Variants in CHRDL1 observed in about 807,000 individuals in gnomAD.
CHRDL1 encodes chordin like 1, also known as chordin-like protein 1.
Under a neutral mutation model 40.9 loss-of-function variants are expected in CHRDL1, and 19 were observed. That is an observed-to-expected ratio of 0.46 (90% CI 0.32 to 0.68). CHRDL1 has a LOEUF of 0.68. Among genes scored for constraint, CHRDL1 ranks in the 30% least tolerant of loss-of-function variants. The pLI, the probability that CHRDL1 is intolerant of heterozygous loss-of-function variation, is 0.03. For synonymous variants in CHRDL1, 136 were observed against 123.4 expected (o/e 1.10, Z -0.68); for missense variants, 329 against 352.1 (o/e 0.93, Z 0.53).
chrX:110,711,540 A>T (rs2070747042), intron 6 of CHRDL1, among the ~76,000 whole-genome samples: 1 of 111,969 alleles, frequency 8.9e-6, no homozygotes, highest in Non-Finnish European at 1.9e-5. Flanking sequence ...TATCATCATG[A>T]CCAGGAGATG....
chrX:110,765,163 T>C (rs2089637148), intron 2 of CHRDL1, among the ~76,000 whole-genome samples: 1 of 111,301 alleles, frequency 9.0e-6, no homozygotes. Context: ...ACCTACTCCC[T>C]GTTCTTGCAC....
Position 110,792,317 on chromosome X carries a change from G to A in CHRDL1, c.-34-102C>T. On this transcript the variant is annotated intron_variant, in intron 1 of 11. Transcript: ENST00000372042. The stretch of plus-strand genomic sequence containing the variant: ...TAACCTGCTAGAATAAAAAAAAAAT[G>A]TCCTAGAATTTACATAAGTGTAAGT... 7.3e-6 allele frequency: 3 copies of A among 410,189 alleles called. No homozygotes were observed. In the East Asian group the frequency reaches 1.3e-4, roughly 17 times the overall value. 33.8% of individuals were successfully genotyped at this position (410,189 alleles called of 1,213,427 possible).
chrX:110,781,285 C>CT lies in CHRDL1; in HGVS notation c.94+10802dup, dbSNP rs1380163562. ...CTTATTTCAACATTTCAGAAAGAAT[C>CT]TGAGTATACATGTGGAAGCAAATCC... is the stretch of plus-strand genomic sequence containing the variant. On this transcript the variant is annotated intron_variant, in intron 2 of 11. Coordinates refer to ENST00000372042, the MANE Select transcript of CHRDL1 (RefSeq NM_001143981.2). Among the ~76,000 whole-genome samples, 16 of 111,148 alleles carry CT rather than the reference C, an allele frequency of 1.4e-4. No homozygotes were observed. The Admixed American group carries it at 1.5e-3, about 11-fold the overall frequency.
At chrX:110,794,889 A>C (rs1054290992) in intron 1 of CHRDL1, among the ~76,000 whole-genome samples, 3 of 112,173 alleles carry the variant, frequency 2.7e-5, no homozygotes, top group Non-Finnish European at 5.6e-5. Flanking sequence ...AACAATAAGA[A>C]AGACACTGGA....
intron 6 of CHRDL1, among the ~76,000 whole-genome samples, chrX:110,715,881 G>A (rs749184631): frequency 1.6e-4 from 18 of 112,365 alleles, no homozygotes; most frequent in African/African-American, 5.8e-4. Flanking sequence ...AGACAAGAAA[G>A]GAGGTGAGGA....
intron 4 of CHRDL1, among the ~76,000 whole-genome samples, chrX:110,726,691 T>C (rs1229232948): frequency 2.7e-5 from 3 of 111,879 alleles, no homozygotes; most frequent in Non-Finnish European, 5.6e-5. Context: ...GTACATAACA[T>C]TCACAATAAA....
At chrX:110,700,321 G>A (rs1445012647) in intron 7 of CHRDL1, among the ~76,000 whole-genome samples, 1 of 111,486 alleles carries the variant, frequency 9.0e-6, no homozygotes, top group Non-Finnish European at 1.9e-5. Flanking sequence ...CCCTACAGAA[G>A]GTCCTCACTG....
At chrX:110,780,330 A>G (rs778079710) in intron 2 of CHRDL1, among the ~76,000 whole-genome samples, 3 of 111,076 alleles carry the variant, frequency 2.7e-5, no homozygotes, top group Non-Finnish European at 5.7e-5. Context: ...ATGTGTATTA[A>G]GGTTTTATTA....
At chrX:110,771,258 G>A (rs758742052) in intron 2 of CHRDL1, among the ~76,000 whole-genome samples, 5 of 111,234 alleles carry the variant, frequency 4.5e-5, no homozygotes, top group South Asian at 3.8e-4. Flanking sequence ...TGGCTCCACC[G>A]GTGAATTCTA....
At chrX:110,758,122 C>CAAAAAAA (rs199672978) in intron 4 of CHRDL1, among the ~76,000 whole-genome samples, 1 of 93,986 alleles carries the variant, frequency 1.1e-5, no homozygotes, top group Admixed American at 1.1e-4. Flanking sequence ...AAACAAAAAA[C>CAAAAAAA]AAAAAAACAA....
At position 110,763,831 on chromosome X, in the gene CHRDL1, G is replaced by T. The variant is rs182999056; in HGVS notation, c.95-1024C>A. Among the ~76,000 whole-genome samples the T allele has an allele frequency of 2.3e-3, 261 of 111,663 alleles. 1 individual carries two copies. Among genetic ancestry groups the T allele is most frequent in the Non-Finnish European group, 3.8e-3 (201 of 53,078 alleles). On this transcript the variant is annotated intron_variant, in intron 2 of 11. Transcript: ENST00000372042. ...AATCTCCACACTGTTTTCCATAGCG[G>T]ATGTACTAGTTTACATTCCCTGCAT... is the stretch of plus-strand genomic sequence containing the variant.
chrX:110,781,862 T>C (rs1486565417), intron 2 of CHRDL1, among the ~76,000 whole-genome samples: 2 of 112,136 alleles, frequency 1.8e-5, no homozygotes, highest in African/African-American at 6.5e-5. Context: ...AAAAAATATT[T>C]AAGATAGATT....
chrX:110,705,304 T>TATATATATATATATACACACAC (rs1491498596), intron 6 of CHRDL1, among the ~76,000 whole-genome samples: 20 of 77,589 alleles, frequency 2.6e-4, no homozygotes, highest in African/African-American at 1.1e-3. Flanking sequence ...TATATATATA[T>TATATATATATATATACACACAC]ACACACACAC....
chrX:110,730,554 C>T (rs964325828), intron 4 of CHRDL1, among the ~76,000 whole-genome samples: 1 of 111,234 alleles, frequency 9.0e-6, no homozygotes, highest in Non-Finnish European at 1.9e-5. Flanking sequence ...AAGTGAACTC[C>T]TTGGCCAACA....
intron 2 of CHRDL1, 24 bp from the exon 3 acceptor site, chrX:110,762,831 A>G: frequency 1.2e-6 from 1 of 863,795 alleles, no homozygotes; most frequent in Non-Finnish European, 1.7e-6. Context: ...GATGGAGAAT[A>G]TGCCTGTTAG....
At chrX:110,750,673 C>G (rs1371273799) in intron 4 of CHRDL1, among the ~76,000 whole-genome samples, 8 of 111,794 alleles carry the variant, frequency 7.2e-5, no homozygotes, top group Admixed American at 6.6e-4. Flanking sequence ...TCGCCAACAA[C>G]AAGTCATGAA....
chrX:110,783,094 A>G (rs190539481), intron 2 of CHRDL1, among the ~76,000 whole-genome samples: 1 of 112,510 alleles, frequency 8.9e-6, no homozygotes, highest in Admixed American at 9.4e-5. Flanking sequence ...ACTGACACTG[A>G]TATTTTTATA....
chrX:110,697,131 G>C (rs1311935731), intron 7 of CHRDL1, among the ~76,000 whole-genome samples: 1 of 111,008 alleles, frequency 9.0e-6, no homozygotes, highest in Non-Finnish European at 1.9e-5. Flanking sequence ...CTTTTATTTT[G>C]CTCAGTATTT....
rs370452695 is a variant in CHRDL1 at position 110,694,269 on chromosome X, G to T, written c.672C>A (p.Ser224=). 2.5e-6 allele frequency: 3 copies of T among 1,208,295 alleles called. No homozygotes were observed. In the African/African-American group the frequency reaches 5.2e-5, roughly 21 times the overall value. The change falls in exon 8 of 12, where the codon TCC becomes TCA. Residue 224 remains serine, a synonymous_variant. Transcript: ENST00000372042. The part of the protein sequence containing the change: ...PPPSRQAGGL[S]RFPGARSHRG... ...GGTGACTTCTGGCCCCAGGAAAGCG[G>T]GACAGACCTCCAGCCTGTCGGCTTG... is the stretch of plus-strand genomic sequence containing the variant.
Sources: allele counts gnomAD v4.1 joint callset (sites outside exome capture counted in the v4.1 genomes callset), GRCh38; gene constraint gnomAD v4.1.1; transcripts MANE v1.5; gene names NCBI Gene and HGNC (gene_info 2026-07-23, HGNC 2026-07-21).